The following RUNX2 variants were observed in gnomAD, a reference collection of about 807,000 sequenced individuals.
RUNX2 encodes runt-related transcription factor 2.
A neutral mutation model predicts 51.7 loss-of-function variants in RUNX2; 10 were observed. The observed-to-expected ratio is 0.19, with a 90% CI of 0.12 to 0.33. The LOEUF is 0.33. Among genes scored for constraint, RUNX2 ranks in the 10% least tolerant of loss-of-function variants. RUNX2 has a pLI of 1.00. For missense variants in RUNX2, 562 were observed against 691.3 expected (o/e 0.81, Z 2.10); for synonymous variants, 276 against 273.6 (o/e 1.01, Z -0.09).
chr6:45,341,691 G>A (rs1442229913), intron 2 of RUNX2, among the ~76,000 whole-genome samples: 5 of 152,054 alleles, frequency 3.3e-5, no homozygotes, highest in Non-Finnish European at 7.4e-5. Context: ...AAATAACTAC[G>A]GAATAACAGA....
chr6:45,391,758 C>T (rs1429393531), intron 2 of RUNX2, among the ~76,000 whole-genome samples: 2 of 152,146 alleles, frequency 1.3e-5, no homozygotes, highest in African/African-American at 4.8e-5. Context: ...AACTCACTAT[C>T]ACGAGAACAG....
intron 4 of RUNX2, among the ~76,000 whole-genome samples, chr6:45,433,658 G>A (rs886564708): frequency 1.3e-5 from 2 of 152,136 alleles, no homozygotes; most frequent in African/African-American, 4.8e-5. Flanking sequence ...ATGGCAAAGT[G>A]ATAGTGTACT....
intron 2 of RUNX2, among the ~76,000 whole-genome samples, chr6:45,394,011 C>T (rs1037433424): frequency 4.0e-5 from 6 of 151,382 alleles, no homozygotes; most frequent in African/African-American, 1.5e-4. Flanking sequence ...GGTCCCGGTT[C>T]AAGCAATTCT....
At chr6:45,533,000 A>G (rs568454496) in intron 7 of RUNX2, among the ~76,000 whole-genome samples, 1 of 149,838 alleles carries the variant, frequency 6.7e-6, no homozygotes, top group South Asian at 2.1e-4. Flanking sequence ...CACTTGGGAG[A>G]CAGAGGGCTT....
chr6:45,348,512 CA>C (rs754208599), intron 2 of RUNX2, among the ~76,000 whole-genome samples: 66 of 110,246 alleles, frequency 6.0e-4, no homozygotes, highest in Admixed American at 9.1e-4. Context: ...ACTAAAAATA[CA>C]AAAAAAAAAA....
chr6:45,419,466 T>A (rs1798132074), intron 2 of RUNX2, among the ~76,000 whole-genome samples: 1 of 151,668 alleles, frequency 6.6e-6, no homozygotes, highest in Non-Finnish European at 1.5e-5. Flanking sequence ...CATGACTCTA[T>A]GAGTGTGTAT....
chr6:45,485,722 T>C (rs1427330397), intron 5 of RUNX2, among the ~76,000 whole-genome samples: 4 of 146,294 alleles, frequency 2.7e-5, no homozygotes, highest in Non-Finnish European at 3.0e-5. Context: ...TATATACACA[T>C]ATTTAGCATC....
chr6:45,450,269 T>C (rs114812505), intron 5 of RUNX2, among the ~76,000 whole-genome samples: 3,072 of 152,284 alleles, frequency 0.02, 110 homozygotes, highest in African/African-American at 0.069. Flanking sequence ...CTGAGAAAGA[T>C]CCGTTCCTCC....
rs1799524334 is a variant in RUNX2 at position 45,463,219 on chromosome 6, G to A, written c.685+25168G>A. Among the ~76,000 whole-genome samples, 3 of 152,068 alleles carry A rather than the reference G, an allele frequency of 2.0e-5. No individual in the cohort carries two copies. The South Asian group carries it at 6.2e-4, about 32-fold the overall frequency. On this transcript the variant is annotated intron_variant, in intron 5 of 8. Coordinates refer to ENST00000647337, the MANE Select transcript of RUNX2 (RefSeq NM_001024630.4). Reference sequence around the variant, plus strand: ...AAAATACATGCTGATACTTTCCAATGGAAATAAAATGCATACCATTACTCT... The same window carrying A: ...AAAATACATGCTGATACTTTCCAATAGAAATAAAATGCATACCATTACTCT...
intron 7 of RUNX2, among the ~76,000 whole-genome samples, chr6:45,533,607 C>A (rs1259557464): frequency 6.6e-6 from 1 of 152,154 alleles, no homozygotes; most frequent in African/African-American, 2.4e-5. Flanking sequence ...CGAGTTACTA[C>A]AACACTACAT....
chr6:45,443,209 C>T (rs1798893294), intron 5 of RUNX2, among the ~76,000 whole-genome samples: 1 of 152,046 alleles, frequency 6.6e-6, no homozygotes, highest in South Asian at 2.1e-4. Flanking sequence ...TGCCACTATA[C>T]CTGGCTAATG....
At position 45,550,607 on chromosome 6, in the gene RUNX2, C is replaced by T. The variant is rs1166314324; in HGVS notation, c.*3302C>T. 2 of 152,536 alleles carry T rather than the reference C, an allele frequency of 1.3e-5. No homozygotes were observed. Among genetic ancestry groups the T allele is most frequent in the East Asian group, 1.9e-4 (1 of 5,194 alleles). The allele number at this position is 152,536 out of a possible 1,614,324, so 9.4% of individuals were successfully genotyped here. A position where few individuals can be genotyped will look rare whatever the true frequency, so the allele number is the denominator to read the frequency against. On this transcript the variant is annotated 3_prime_UTR_variant, in exon 9 of 9. Coordinates refer to ENST00000647337, the MANE Select transcript of RUNX2 (RefSeq NM_001024630.4). ...CCTTGAATTTGTTGTTTTTAGAAAA[C>T]GAATGCATTTAAAAATATTTTCTAT...
chr6:45,494,607 C>G (rs1175382883), intron 6 of RUNX2, among the ~76,000 whole-genome samples: 1 of 152,174 alleles, frequency 6.6e-6, no homozygotes, highest in East Asian at 1.9e-4. Flanking sequence ...CCCAACCACT[C>G]TTGGCCATGT....
At chr6:45,403,475 C>G (rs935721512) in intron 2 of RUNX2, among the ~76,000 whole-genome samples, 5 of 152,028 alleles carry the variant, frequency 3.3e-5, no homozygotes, top group Admixed American at 2.0e-4. Flanking sequence ...TCAGGTGATC[C>G]GCCCGCCTCA....
At chr6:45,452,775 A>C (rs1004862909) in intron 5 of RUNX2, among the ~76,000 whole-genome samples, 1 of 152,204 alleles carries the variant, frequency 6.6e-6, no homozygotes, top group East Asian at 1.9e-4. Flanking sequence ...AAAGAAACAG[A>C]CTTCGAAACA....
intron 2 of RUNX2, chr6:45,371,917 T>C: frequency 1.2e-6 from 1 of 857,660 alleles, no homozygotes; most frequent in South Asian, 5.3e-5. Context: ...GAGGGGTTTC[T>C]TGAACTGCCC....
chr6:45,422,784 G>A lies in RUNX2; in HGVS notation c.250G>A (p.Ala84Thr), dbSNP rs777793369. The A allele has an allele frequency of 5.4e-6, 8 of 1,487,794 alleles. 1 individual carries two copies. In the East Asian group the frequency reaches 2.3e-4, roughly 42 times the overall value. The allele number at this position is 1,487,794 out of a possible 1,614,324, so 92.2% of individuals were successfully genotyped here. Reference protein sequence around the residue: ...AAAAAAAAAAAAAAAAVPRLR... With the variant: ...AAAAAAAAAATAAAAAVPRLR... ...GGCGGCTGCGGCGGCGGCGGCGGCT[G>A]CGGCGGCGGCAGCTGCAGTGCCCCG... The change falls in exon 3 of 9, where the codon GCG becomes ACG. Residue 84 changes from alanine to threonine, a missense_variant. Transcript: ENST00000647337.
chr6:45,444,867 G>A (rs1798946842), intron 5 of RUNX2, among the ~76,000 whole-genome samples: 1 of 152,162 alleles, frequency 6.6e-6, no homozygotes, highest in Non-Finnish European at 1.5e-5. Context: ...TGGAGAGAAT[G>A]GAGGGGTTGA....
intron 2 of RUNX2, among the ~76,000 whole-genome samples, chr6:45,352,970 C>G (rs1393289598): frequency 6.6e-6 from 1 of 152,070 alleles, no homozygotes; most frequent in East Asian, 1.9e-4. Context: ...CTGATTTTTA[C>G]ATACTGCAGT....
Sources: allele counts gnomAD v4.1 joint callset (sites outside exome capture counted in the v4.1 genomes callset), GRCh38; gene constraint gnomAD v4.1.1; transcripts MANE v1.5; gene names NCBI Gene and HGNC (gene_info 2026-07-23, HGNC 2026-07-21).